The following DNMBP variants were observed in gnomAD, a reference collection of about 807,000 sequenced individuals.
The protein encoded by DNMBP is dynamin-binding protein.
Under a neutral mutation model 150.0 loss-of-function variants are expected in DNMBP, and 87 were observed. The observed-to-expected ratio is 0.58, with a 90% CI of 0.49 to 0.69. The LOEUF (loss-of-function observed/expected upper bound fraction) is 0.69, where lower values mean the gene tolerates loss of function less well. DNMBP is among the 30% of genes least tolerant of loss of function. DNMBP has a pLI of 0.00. For missense variants in DNMBP, 1,774 were observed against 1,949.0 expected (o/e 0.91, Z 1.69); for synonymous variants, 711 against 750.4 (o/e 0.95, Z 0.86).
chr10:99,977,135 ACCT>A (rs2040736234), intron 1 of DNMBP, among the ~76,000 whole-genome samples: 1 of 152,124 alleles, frequency 6.6e-6, no homozygotes, highest in Non-Finnish European at 1.5e-5. Flanking sequence ...TTACTGACTG[ACCT>A]CCTACTCCAT....
rs371878632 is a variant in DNMBP, at chr10:99,941,136, C to T, written c.2260+14078G>A. On this transcript the variant is annotated intron_variant, in intron 4 of 16. Coordinates refer to ENST00000324109, the MANE Select transcript of DNMBP (RefSeq NM_015221.4). ...CTGACCTCAAGTGCTCCGCCCGCCT[C>T]GGCTTCCCAAAGTGCTGGGATTACA... Among the ~76,000 whole-genome samples the T allele has an allele frequency of 7.9e-5, 12 of 152,104 alleles. No homozygotes were observed. In the South Asian group the frequency reaches 1.9e-3, roughly 24 times the overall value.
chr10:99,928,756 C>T (rs1174545869), intron 4 of DNMBP, among the ~76,000 whole-genome samples: 1 of 152,030 alleles, frequency 6.6e-6, no homozygotes, highest in Admixed American at 6.6e-5. Flanking sequence ...TCCTGAATGT[C>T]AAGGAGTGAA....
rs199532694 is a variant in DNMBP, at chr10:99,898,047, A to C, written c.2920+39T>G. 2.1e-5 allele frequency: 33 copies of C among 1,566,912 alleles called. No individual in the cohort carries two copies. The East Asian group carries it at 6.7e-4, about 32-fold the overall frequency. ...TGTTTTGAGAAGAAAAGCATTCTCA[A>C]AGGGCATACCTCCTTTTCAGCAATT... On this transcript the variant is annotated intron_variant, in intron 9 of 16. Coordinates refer to ENST00000324109, the MANE Select transcript of DNMBP (RefSeq NM_015221.4).
At chr10:100,001,943 C>G (rs765358110) in intron 1 of DNMBP, among the ~76,000 whole-genome samples, 3 of 152,134 alleles carry the variant, frequency 2.0e-5, no homozygotes, top group Non-Finnish European at 2.9e-5. Context: ...TGACTCTGGG[C>G]TGTTTGTGCA....
chr10:99,888,691 A>AAT, intron 12 of DNMBP, 134 bp downstream of exon 12: 1 of 1,018,768 alleles, frequency 9.8e-7, no homozygotes, highest in Non-Finnish European at 1.4e-6. Flanking sequence ...ATCAAACCCC[A>AAT]ATATGAATAT....
At chr10:99,902,303 C>CTTTTTTTTTT (rs34120125) in intron 6 of DNMBP, among the ~76,000 whole-genome samples, 7 of 82,772 alleles carry the variant, frequency 8.5e-5, no homozygotes, top group Admixed American at 1.8e-4. Context: ...AGCCTCCCTT[C>CTTTTTTTTTT]TTTTTTTTTT....
intron 1 of DNMBP, among the ~76,000 whole-genome samples, chr10:99,999,947 G>T (rs890706208): frequency 6.6e-6 from 1 of 152,226 alleles, no homozygotes; most frequent in Non-Finnish European, 1.5e-5. Context: ...TCAGGAATAT[G>T]AGCCAAGCAA....
At chr10:99,982,957 C>T (rs1486094739) in intron 1 of DNMBP, among the ~76,000 whole-genome samples, 1 of 151,510 alleles carries the variant, frequency 6.6e-6, no homozygotes, top group East Asian at 1.9e-4. Context: ...CAGAGCGAGA[C>T]CCTGCCAAAA....
In DNMBP at chr10:99,955,084, T is replaced by C. The variant is rs2040468957; in HGVS notation, c.2260+130A>G. 7.7e-6 allele frequency: 6 copies of C among 777,794 alleles called. No homozygotes were observed. The South Asian group carries it at 1.2e-4, about 15-fold the overall frequency. 48.2% of individuals were successfully genotyped at this position (777,794 alleles called of 1,614,324 possible). The stretch of plus-strand genomic sequence containing the variant: ...GGAAAAAAAAAAAAAGAAAAGAAAT[T>C]AGGTAATGAAAATGTAAATCATTTT... On this transcript the variant is annotated intron_variant, in intron 4 of 16. Coordinates refer to ENST00000324109, the MANE Select transcript of DNMBP (RefSeq NM_015221.4).
intron 1 of DNMBP, among the ~76,000 whole-genome samples, chr10:99,994,364 A>T (rs1353027919): frequency 6.6e-6 from 1 of 152,216 alleles, no homozygotes; most frequent in Non-Finnish European, 1.5e-5. Context: ...GTACTCAGTA[A>T]ATGTCAGCAA....
At position 99,898,102 on chromosome 10, in the gene DNMBP, T is replaced by C; in HGVS notation, c.2904A>G (p.Lys968=). ...TGTTCTTACCCAGGTCCTTTCGCCG[T>C]TTATATTCATTAATGTTAACGTTGA... The part of the protein sequence containing the change: ...KEINVNINEY[K]RRKDLVLKYR... The change falls in exon 9 of 17, where the codon AAA becomes AAG. Residue 968 remains lysine, a synonymous_variant. Transcript: ENST00000324109. 6.2e-7 allele frequency: 1 copy of C among 1,614,020 alleles called. No individual in the cohort carries two copies. The highest frequency in any genetic ancestry group is 8.5e-7 in the Non-Finnish European group (1 of 1,179,922).
intron 1 of DNMBP, among the ~76,000 whole-genome samples, chr10:100,004,676 C>T (rs2041050153): frequency 6.6e-6 from 1 of 152,116 alleles, no homozygotes; most frequent in Non-Finnish European, 1.5e-5. Context: ...CAGACATGAC[C>T]TAGGGTTCAG....
chr10:100,002,951 G>A (rs1261968262), intron 1 of DNMBP, among the ~76,000 whole-genome samples: 4 of 152,154 alleles, frequency 2.6e-5, no homozygotes, highest in Non-Finnish European at 5.9e-5. Context: ...CTCTTTTTAA[G>A]ACTGAGAACA....
At chr10:99,919,014 C>T (rs2039995330) in intron 4 of DNMBP, among the ~76,000 whole-genome samples, 1 of 152,118 alleles carries the variant, frequency 6.6e-6, no homozygotes, top group African/African-American at 2.4e-5. Flanking sequence ...GTCAATAAAA[C>T]TTTACATGAA....
chr10:99,989,101 T>TC (rs2040858902), intron 1 of DNMBP, among the ~76,000 whole-genome samples: 1 of 152,248 alleles, frequency 6.6e-6, no homozygotes, highest in Non-Finnish European at 1.5e-5. Flanking sequence ...GAATTATATA[T>TC]CCTTACAAGA....
intron 6 of DNMBP, among the ~76,000 whole-genome samples, chr10:99,907,142 C>A (rs899913283): frequency 4.0e-5 from 6 of 151,570 alleles, no homozygotes; most frequent in Non-Finnish European, 8.8e-5. Flanking sequence ...GGCAACATGG[C>A]AAAACTCCAT....
At chr10:99,931,802 AT>A (rs1262500127) in intron 4 of DNMBP, among the ~76,000 whole-genome samples, 16 of 152,240 alleles carry the variant, frequency 1.1e-4, no homozygotes, top group African/African-American at 3.9e-4. Flanking sequence ...GAAAGATCTA[AT>A]GTGATAAGTG....
intron 7 of DNMBP, 164 bp downstream of exon 7, chr10:99,899,755 T>C: frequency 1.2e-6 from 1 of 824,298 alleles, no homozygotes; most frequent in South Asian, 1.5e-5. Flanking sequence ...CAGATAAAAC[T>C]TATTCACATG....
intron 4 of DNMBP, among the ~76,000 whole-genome samples, chr10:99,928,603 A>G (rs2040109307): frequency 6.6e-6 from 1 of 152,244 alleles, no homozygotes; most frequent in Non-Finnish European, 1.5e-5. Flanking sequence ...CAAGAAAGAA[A>G]GAACCTCTAC....
Sources: allele counts gnomAD v4.1 joint callset (sites outside exome capture counted in the v4.1 genomes callset), GRCh38; gene constraint gnomAD v4.1.1; transcripts MANE v1.5; gene names NCBI Gene and HGNC (gene_info 2026-07-23, HGNC 2026-07-21).